The following SYMPK variants were observed in gnomAD, a reference collection of about 807,000 sequenced individuals.
SYMPK encodes the protein symplekin.
In SYMPK, 49 loss-of-function variants were observed where a neutral mutation model predicts 136.4. The ratio of observed to expected loss-of-function variants is 0.36; its 90% CI spans 0.29 to 0.46. SYMPK has a LOEUF of 0.46. Ranked by LOEUF, SYMPK falls within the 20% of genes least tolerant of loss-of-function variation. The probability of loss-of-function intolerance (pLI) is 1.00; values close to 1 mark genes in which losing one functional copy is unlikely to be tolerated. For missense variants in SYMPK, 1,365 were observed against 1,690.0 expected, an observed-to-expected ratio of 0.81 and a Z score of 3.37; for synonymous variants, 766 against 713.0, an observed-to-expected ratio of 1.07 and a Z score of -1.19.
At position 45,859,650 on chromosome 19, in the gene SYMPK, C is replaced by A. The variant is rs1466510060; in HGVS notation, c.-13+3408G>T. Among the ~76,000 whole-genome samples, 3 of 148,676 alleles carry A rather than the reference C, an allele frequency of 2.0e-5. No individual in the cohort carries two copies. The South Asian group carries it at 6.4e-4, about 32-fold the overall frequency. ...GAAAGGAAAGAAAACAAAAATAGGACGGGTATAGTGGCTCACAATTGTAAA... is the reference window on the plus strand; with the variant it reads ...GAAAGGAAAGAAAACAAAAATAGGAAGGGTATAGTGGCTCACAATTGTAAA... On this transcript the variant is annotated intron_variant, in intron 1 of 26. Coordinates refer to ENST00000245934, the MANE Select transcript of SYMPK (RefSeq NM_004819.3).
chr19:45,849,322 C>T (rs1045440880), intron 5 of SYMPK, among the ~76,000 whole-genome samples: 3 of 152,176 alleles, frequency 2.0e-5, no homozygotes, highest in Admixed American at 2.0e-4. Flanking sequence ...CTTTAAAGCA[C>T]TTTGTTTTCT....
chr19:45,822,714 G>T, intron 21 of SYMPK, 42 bp downstream of exon 21: 1 of 1,570,572 alleles, frequency 6.4e-7, no homozygotes, highest in Non-Finnish European at 8.8e-7. Context: ...CAGCACCTGG[G>T]GTGGGTGGGC....
intron 8 of SYMPK, 59 bp from the exon 9 acceptor site, chr19:45,842,548 C>A: frequency 1.3e-6 from 2 of 1,583,580 alleles, no homozygotes; most frequent in South Asian, 1.1e-5. Context: ...TGCTGCCAGT[C>A]TTAATTCTCA....
Position 45,815,519 on chromosome 19 carries a change from C to CCCCCCCCCGG in SYMPK, c.*40_*41insCCGGGGGGGG. 1 of 1,345,650 alleles carries CCCCCCCCCGG rather than the reference C, an allele frequency of 7.4e-7. No homozygotes were observed. The highest frequency in any genetic ancestry group is 1.0e-6 in the Non-Finnish European group (1 of 1,003,098). 83.4% of individuals were successfully genotyped at this position (1,345,650 alleles called of 1,614,324 possible). On this transcript the variant is annotated 3_prime_UTR_variant, in exon 27 of 27. Coordinates refer to ENST00000245934, the MANE Select transcript of SYMPK (RefSeq NM_004819.3). ...GGTCAAGCCCCGCCCCGTCCCCCAGCCCCGAGTCCCTGTCCCACCCCCTTT... is the reference window on the plus strand; with the variant it reads ...GGTCAAGCCCCGCCCCGTCCCCCAGCCCCCCCCCGGCCCGAGTCCCTGTCCCACCCCCTTT...
chr19:45,850,313 C>G (rs1036968163), intron 5 of SYMPK, among the ~76,000 whole-genome samples: 3 of 152,186 alleles, frequency 2.0e-5, no homozygotes, highest in Non-Finnish European at 4.4e-5. Flanking sequence ...AGAAAATTCA[C>G]TTCACCTCTC....
chr19:45,823,541 G>A, intron 19 of SYMPK, 69 bp from the exon 20 acceptor site: 1 of 1,459,304 alleles, frequency 6.9e-7, no homozygotes, highest in African/African-American at 1.4e-5. Flanking sequence ...GGGCACCCAG[G>A]AAAGAGAAGC....
intron 3 of SYMPK, 23 bp from the exon 4 acceptor site, chr19:45,852,558 G>A (rs1365426876): frequency 6.2e-7 from 1 of 1,613,916 alleles, no homozygotes; most frequent in African/African-American, 1.3e-5. Context: ...TGGGGGTGGG[G>A]AGGAGGAATA....
Position 45,816,825 on chromosome 19 carries a change from G to A in SYMPK, c.3231C>T (p.Ala1077=). ...GGTGGGGGGTGAAGGAGCGGACATG[G>A]GCCAGCAGGGGCTCCCGGAGCTCTG... ...KCPELREPLL[A]HVRSFTPHQQ... is the part of the protein sequence containing the mutation. Residue 1077 remains alanine, a synonymous_variant, in exon 24 of 27, where the codon GCC becomes GCT. Coordinates refer to ENST00000245934, the MANE Select transcript of SYMPK (RefSeq NM_004819.3). 1 of 1,544,552 alleles carries A rather than the reference G, an allele frequency of 6.5e-7. No individual in the cohort carries two copies. Among genetic ancestry groups the A allele is most frequent in the South Asian group, 1.2e-5 (1 of 83,798 alleles).
At chr19:45,860,654 G>GT (rs1279243211) in intron 1 of SYMPK, among the ~76,000 whole-genome samples, 4 of 151,720 alleles carry the variant, frequency 2.6e-5, no homozygotes, top group East Asian at 1.9e-4. Flanking sequence ...TACATTTTTT[G>GT]TTTTTTTGAG....
chr19:45,837,041 C>T (rs1191041366), intron 10 of SYMPK, among the ~76,000 whole-genome samples: 1 of 151,904 alleles, frequency 6.6e-6, no homozygotes, highest in Non-Finnish European at 1.5e-5. Context: ...CACTTAAAAC[C>T]GTGGGAACAA....
intron 7 of SYMPK, among the ~76,000 whole-genome samples, chr19:45,846,977 A>T (rs1002454702): frequency 1.3e-5 from 2 of 151,884 alleles, no homozygotes; most frequent in African/African-American, 4.8e-5. Context: ...TATTTTCAGT[A>T]GATAAGGGGT....
intron 1 of SYMPK, among the ~76,000 whole-genome samples, chr19:45,857,419 A>AC: frequency 3.3e-5 from 5 of 150,560 alleles, no homozygotes; most frequent in Non-Finnish European, 5.9e-5. Context: ...CAAAAAAAAA[A>AC]AAAAAAAAAA....
rs376531877 is a variant in SYMPK at position 45,829,019 on chromosome 19, G to A, written c.1936C>T (p.Leu646Phe). ...SGSLDKYEDC[L>F]IRLLSGLQEK... The stretch of plus-strand genomic sequence containing the variant: ...TGCAGGCCAGACAACAGGCGGATGA[G>A]GCAGTCCTCATACTTGTCCAGGGAG... Residue 646 changes from leucine (L) to phenylalanine (F), a missense_variant, in exon 14 of 27, where the codon CTC (leucine) becomes TTC (phenylalanine). Coordinates refer to ENST00000245934, the MANE Select transcript of SYMPK (RefSeq NM_004819.3). 8.1e-6 allele frequency: 13 copies of A among 1,614,096 alleles called. No individual in the cohort carries two copies. Among genetic ancestry groups the A allele is most frequent in the African/African-American group, 2.7e-5 (2 of 74,930 alleles).
At chr19:45,855,504 G>T (rs148713056) in intron 1 of SYMPK, 1 of 152,178 alleles carries the variant, frequency 6.6e-6, no homozygotes, top group Non-Finnish European at 1.5e-5. Flanking sequence ...AGGCCATGGG[G>T]CTTCAACACC....
In SYMPK at chr19:45,821,500, A is replaced by T. The variant is rs1970893787; in HGVS notation, c.2792-15T>A. 6.3e-7 allele frequency: 1 copy of T among 1,594,152 alleles called. No individual in the cohort carries two copies. Among genetic ancestry groups the T allele is most frequent in the Non-Finnish European group, 8.6e-7 (1 of 1,162,410 alleles). On this transcript the variant is annotated splice_polypyrimidine_tract_variant and intron_variant, in intron 21 of 26. Transcript: ENST00000245934. The surrounding 1 kb of genome is among the most constrained non-coding windows in gnomAD (Gnocchi z 4.4). ...GTTTCCCTCACCTGCAGCAGGCGGG[A>T]GGAAGGGTGGGGGAAGACAGTGCGG... is the stretch of plus-strand genomic sequence containing the variant.
Position 45,816,145 on chromosome 19 carries a change from T to C in SYMPK, c.3393A>G (p.Ala1131=). The change falls in exon 26 of 27, where the codon GCA becomes GCG. Residue 1131 remains alanine, a synonymous_variant. Coordinates refer to ENST00000245934, the MANE Select transcript of SYMPK (RefSeq NM_004819.3). The part of the protein sequence containing the change: ...LEPLTLAPAP[A]PRPPQDLIGL... Reference sequence around the variant, plus strand: ...CGATGAGGTCCTGAGGGGGCCGGGGTGCTGGGGCCGGGGCCAAGGTCAGGG... The same window carrying C: ...CGATGAGGTCCTGAGGGGGCCGGGGCGCTGGGGCCGGGGCCAAGGTCAGGG... 2 of 1,547,152 alleles carry C rather than the reference T, an allele frequency of 1.3e-6. No homozygotes were observed. The highest frequency in any genetic ancestry group is 2.4e-5 in the South Asian group (2 of 84,528).
chr19:45,847,392 C>A (rs1971588200), intron 7 of SYMPK, among the ~76,000 whole-genome samples: 1 of 151,184 alleles, frequency 6.6e-6, no homozygotes, highest in Non-Finnish European at 1.5e-5. Context: ...CCATTGCACT[C>A]CAGCCTGGGC....
At chr19:45,828,870 G>A (rs1971105556) in intron 14 of SYMPK, 100 bp downstream of exon 14, 2 of 1,172,650 alleles carry the variant, frequency 1.7e-6, no homozygotes, top group East Asian at 2.4e-5. Flanking sequence ...GACTGACTCG[G>A]GGGGTGACGA....
At chr19:45,816,379 C>T in intron 25 of SYMPK, 103 bp downstream of exon 25, 1 of 1,443,780 alleles carries the variant, frequency 6.9e-7, no homozygotes, top group Non-Finnish European at 9.2e-7. Context: ...GCAGGGGTGG[C>T]CTGAGTCTCT....
Sources: allele counts gnomAD v4.1 joint callset (sites outside exome capture counted in the v4.1 genomes callset), GRCh38; gene constraint gnomAD v4.1.1; non-coding constraint Gnocchi (gnomAD v3.1); transcripts MANE v1.5; gene names NCBI Gene and HGNC (gene_info 2026-07-23, HGNC 2026-07-21).